ILRUN: variants seen among roughly 807,000 people sequenced by gnomAD.
ILRUN encodes protein ILRUN.
ILRUN carries 3 observed loss-of-function variants against 33.8 expected under a neutral mutation model. That is an observed-to-expected ratio of 0.09 (90% CI 0.04 to 0.23). The LOEUF (loss-of-function observed/expected upper bound fraction) is 0.23, where lower values mean the gene tolerates loss of function less well. Ranked by LOEUF, ILRUN falls within the 10% of genes least tolerant of loss-of-function variation. The pLI, the probability that ILRUN is intolerant of heterozygous loss-of-function variation, is 1.00. For missense variants in ILRUN, 210 were observed against 375.1 expected (o/e 0.56, Z 3.64); for synonymous variants, 124 against 138.9 (o/e 0.89, Z 0.75).
At chr6:34,651,392 G>GT (rs1762665170) in intron 2 of ILRUN, among the ~76,000 whole-genome samples, 2 of 152,034 alleles carry the variant, frequency 1.3e-5, no homozygotes, top group Non-Finnish European at 2.9e-5. Context: ...AGAGATTTTT[G>GT]TAAGTCAACA....
intron 1 of ILRUN, among the ~76,000 whole-genome samples, chr6:34,683,518 A>ATGTG (rs376986115): frequency 0.17 from 15,819 of 93,780 alleles, 1,416 homozygotes; most frequent in East Asian, 0.32. Flanking sequence ...ATATATACAT[A>ATGTG]TATATATATA....
intron 1 of ILRUN, among the ~76,000 whole-genome samples, chr6:34,665,648 C>T (rs1762980037): frequency 6.6e-6 from 1 of 151,898 alleles, no homozygotes. Flanking sequence ...AGGCTGGTTT[C>T]GAACTCCTGG....
At chr6:34,673,690 G>A (rs1763163917) in intron 1 of ILRUN, among the ~76,000 whole-genome samples, 1 of 152,192 alleles carries the variant, frequency 6.6e-6, no homozygotes, top group South Asian at 2.1e-4. Context: ...GCAACACTGA[G>A]TGTGGTGGCA....
At chr6:34,675,212 C>T (rs1763203139) in intron 1 of ILRUN, among the ~76,000 whole-genome samples, 1 of 152,016 alleles carries the variant, frequency 6.6e-6, no homozygotes, top group African/African-American at 2.4e-5. Context: ...ACCTGGGAGG[C>T]AGAGGTTGCA....
chr6:34,603,615 CAG>C (rs1225290622), intron 4 of ILRUN, among the ~76,000 whole-genome samples: 1 of 152,090 alleles, frequency 6.6e-6, no homozygotes, highest in African/African-American at 2.4e-5. Context: ...GTCTGGGTGG[CAG>C]AGTGAGACTC....
In ILRUN at chr6:34,654,898, T is replaced by C. The variant is rs143465039; in HGVS notation, c.159-119A>G. ...GTCACAGAACCTGAGGCTCCTGGTA[T>C]ACACGTCTTTAAAGCCTTCTATTCT... On this transcript the variant is annotated intron_variant, in intron 1 of 4. Coordinates refer to ENST00000374023, the MANE Select transcript of ILRUN (RefSeq NM_024294.4). The C allele has an allele frequency of 3.1e-5, 28 of 903,962 alleles. No homozygotes were observed. The East Asian group carries it at 6.1e-4, about 20-fold the overall frequency. The allele number at this position is 903,962 out of a possible 1,614,324, so 56.0% of individuals were successfully genotyped here. A position where few individuals can be genotyped will look rare whatever the true frequency, so the allele number is the denominator to read the frequency against.
intron 3 of ILRUN, among the ~76,000 whole-genome samples, chr6:34,633,334 T>C (rs1413913768): frequency 2.6e-5 from 4 of 152,196 alleles, no homozygotes; most frequent in Non-Finnish European, 5.9e-5. Flanking sequence ...ACAATTGTAG[T>C]TGGACCTTTC....
At chr6:34,635,118 A>G (rs1213758037) in intron 3 of ILRUN, among the ~76,000 whole-genome samples, 3 of 152,226 alleles carry the variant, frequency 2.0e-5, no homozygotes, top group South Asian at 2.1e-4. Context: ...TTCTAAATAT[A>G]TAAGAGAAAT....
intron 4 of ILRUN, among the ~76,000 whole-genome samples, chr6:34,605,073 G>A (rs1202103752): frequency 1.3e-5 from 2 of 152,208 alleles, no homozygotes; most frequent in East Asian, 1.9e-4. Context: ...TTGGGAGGCC[G>A]AGGCGGGTGG....
At chr6:34,591,989 A>C (rs76063317) in intron 4 of ILRUN, among the ~76,000 whole-genome samples, 1,853 of 152,234 alleles carry the variant, frequency 0.012, 44 homozygotes, top group African/African-American at 0.039. Flanking sequence ...GCTTCCCCTT[A>C]TAAGAAAGAC....
chr6:34,592,542 A>C lies in ILRUN; in HGVS notation c.862-1942T>G, dbSNP rs1238281592. On this transcript the variant is annotated intron_variant, in intron 4 of 4. Coordinates refer to ENST00000374023, the MANE Select transcript of ILRUN (RefSeq NM_024294.4). This position sits in a 1 kb window ranked among gnomAD's most constrained non-coding sequence, Gnocchi z 4.0. ...GGGGGTCCCATACATCAGAGGTATC[A>C]AGTTCACGCAAAAGTAATTGCAGTT... 6.6e-6 allele frequency among the ~76,000 whole-genome samples: 1 copy of C among 152,228 alleles called. No homozygotes were observed. The highest frequency in any genetic ancestry group is 1.5e-5 in the Non-Finnish European group (1 of 68,044).
chr6:34,591,787 C>T (rs1057194289), intron 4 of ILRUN, among the ~76,000 whole-genome samples: 1 of 152,242 alleles, frequency 6.6e-6, no homozygotes, highest in Admixed American at 6.5e-5. Flanking sequence ...CCGCGCCTGG[C>T]CAATCCTGTC....
At chr6:34,622,918 T>G (rs1762038545) in intron 3 of ILRUN, among the ~76,000 whole-genome samples, 1 of 152,138 alleles carries the variant, frequency 6.6e-6, no homozygotes, top group Admixed American at 6.6e-5. Flanking sequence ...TATTCAGCCT[T>G]TAAAAGGAAG....
At chr6:34,642,825 CAAAAAAAA>C (rs57866309) in intron 3 of ILRUN, among the ~76,000 whole-genome samples, 3 of 42,994 alleles carry the variant, frequency 7.0e-5, no homozygotes, top group African/African-American at 2.8e-4. Context: ...CCGTCTCTAC[CAAAAAAAA>C]AAAAAAAAAA....
intron 3 of ILRUN, among the ~76,000 whole-genome samples, chr6:34,623,941 C>T (rs978186174): frequency 2.6e-5 from 4 of 152,124 alleles, no homozygotes; most frequent in Admixed American, 1.3e-4. Flanking sequence ...AAGCGATTCT[C>T]GTGCCTCAGC....
chr6:34,622,353 G>T (rs993200467), intron 3 of ILRUN, among the ~76,000 whole-genome samples: 1 of 152,076 alleles, frequency 6.6e-6, no homozygotes, highest in African/African-American at 2.4e-5. Flanking sequence ...AATATATAAA[G>T]AACTCCTACA....
intron 1 of ILRUN, among the ~76,000 whole-genome samples, chr6:34,664,037 G>A (rs1762948282): frequency 6.6e-6 from 1 of 152,190 alleles, no homozygotes; most frequent in Non-Finnish European, 1.5e-5. Flanking sequence ...GCTAAGGAAT[G>A]CCTGTAGCCT....
intron 3 of ILRUN, among the ~76,000 whole-genome samples, chr6:34,632,445 TA>T (rs1226546608): frequency 3.6e-4 from 54 of 149,778 alleles, no homozygotes; most frequent in South Asian, 6.3e-4. Context: ...CATCTCAAAA[TA>T]AAAAAAAATA....
intron 1 of ILRUN, among the ~76,000 whole-genome samples, chr6:34,674,057 T>C (rs1763176150): frequency 6.6e-6 from 1 of 152,170 alleles, no homozygotes; most frequent in Non-Finnish European, 1.5e-5. Context: ...AAACGGAGTC[T>C]TGCTCTGTCA....
Sources: gnomAD v4.1 joint callset for allele counts (sites outside exome capture counted in the v4.1 genomes callset) on GRCh38, gnomAD v4.1.1 for gene constraint, Gnocchi (gnomAD v3.1) non-coding constraint, MANE v1.5 for transcripts, NCBI Gene and HGNC (gene_info 2026-07-23, HGNC 2026-07-21) for gene names.